KCNIP3: variants seen among roughly 807,000 people sequenced by gnomAD.
KCNIP3 encodes potassium voltage-gated channel interacting protein 3, also known as calsenilin.
Under a neutral mutation model 35.0 loss-of-function variants are expected in KCNIP3, and 28 were observed. That is an observed-to-expected ratio of 0.80 (90% confidence interval 0.59 to 1.10). KCNIP3 has a LOEUF of 1.10. Ranked by LOEUF, KCNIP3 falls within the 50% of genes least tolerant of loss-of-function variation. KCNIP3 has a pLI of 0.00. For synonymous variants in KCNIP3, 134 were observed against 133.8 expected, an observed-to-expected ratio of 1.00 and a Z score of -0.01; for missense variants, 295 against 338.4, an observed-to-expected ratio of 0.87 and a Z score of 1.01.
At chr2:95,362,687 A>T (rs1156538181) in intron 2 of KCNIP3, among the ~76,000 whole-genome samples, 1 of 152,154 alleles carries the variant, frequency 6.6e-6, no homozygotes, top group Non-Finnish European at 1.5e-5. Flanking sequence ...CTCAGGCAGG[A>T]ATGCGAGCAG....
intron 2 of KCNIP3, among the ~76,000 whole-genome samples, chr2:95,362,534 A>G (rs1201173521): frequency 6.6e-6 from 1 of 152,220 alleles, no homozygotes; most frequent in African/African-American, 2.4e-5. Context: ...TAAGACTTCA[A>G]CGATGAAGTT....
chr2:95,374,702 T>C, intron 3 of KCNIP3, 146 bp from the exon 4 acceptor site: 1 of 938,248 alleles, frequency 1.1e-6, no homozygotes, highest in Admixed American at 2.2e-5. Context: ...ACCCAGGCTT[T>C]CCACAACCCA....
intron 1 of KCNIP3, among the ~76,000 whole-genome samples, chr2:95,304,170 C>T (rs1286495403): frequency 6.6e-6 from 1 of 152,216 alleles, no homozygotes; most frequent in Non-Finnish European, 1.5e-5. Context: ...ACATACACTT[C>T]CTGCCTTTAC....
In KCNIP3 at chr2:95,347,014, C is replaced by G. The variant is rs759381495; in HGVS notation, c.182-27282C>G. On this transcript the variant is annotated intron_variant, in intron 2 of 8. Coordinates refer to ENST00000295225, the MANE Select transcript of KCNIP3 (RefSeq NM_013434.5). ...GGCCCCAGGGCCCCAGGCAGCCCGGCTTGCCATGGGCATCCAGGGCATGGA... is the reference window on the plus strand; with the variant it reads ...GGCCCCAGGGCCCCAGGCAGCCCGGGTTGCCATGGGCATCCAGGGCATGGA... The G allele has an allele frequency of 2.5e-6, 4 of 1,602,098 alleles. No homozygotes were observed. The South Asian group carries it at 4.5e-5, about 18-fold the overall frequency.
intron 2 of KCNIP3, among the ~76,000 whole-genome samples, chr2:95,329,965 C>T (rs573842931): frequency 3.9e-5 from 6 of 152,364 alleles, no homozygotes; most frequent in East Asian, 3.9e-4. Context: ...TCCCCTCTGC[C>T]GGAGGCCCCT....
At chr2:95,361,011 A>G (rs530295116) in intron 2 of KCNIP3, among the ~76,000 whole-genome samples, 1 of 152,338 alleles carries the variant, frequency 6.6e-6, no homozygotes, top group Non-Finnish European at 1.5e-5. Context: ...GAAGAGAGCC[A>G]CGCTGGGGGA....
intron 2 of KCNIP3, among the ~76,000 whole-genome samples, chr2:95,321,774 G>A (rs1235758217): frequency 6.6e-6 from 1 of 152,174 alleles, no homozygotes; most frequent in Non-Finnish European, 1.5e-5. Context: ...TGCCTGCAGG[G>A]TTATCTCCTC....
intron 1 of KCNIP3, among the ~76,000 whole-genome samples, chr2:95,305,988 G>A (rs1478940375): frequency 2.0e-5 from 3 of 152,306 alleles, no homozygotes; most frequent in South Asian, 2.1e-4. Context: ...ATAACTTTTC[G>A]TTTCTTCAGG....
At position 95,310,390 on chromosome 2, in the gene KCNIP3, G is replaced by T. The variant is rs757114232; in HGVS notation, c.51G>T (p.Gly17=). The T allele has an allele frequency of 2.5e-6, 4 of 1,612,622 alleles. No individual in the cohort carries two copies. The highest frequency in any genetic ancestry group is 1.6e-4 in the Middle Eastern group (1 of 6,072). ...AGGCGTCGGACGGCAGCCTCCTGGGGGACCTCGGGCACACACCACTTAGCA... is the reference window on the plus strand; with the variant it reads ...AGGCGTCGGACGGCAGCCTCCTGGGTGACCTCGGGCACACACCACTTAGCA... ...VTKASDGSLL[G]DLGHTPLSKK... is the part of the protein sequence containing the mutation. The change falls in exon 2 of 9, where the codon GGG becomes GGT. Residue 17 remains glycine (G), a synonymous_variant. Coordinates refer to ENST00000295225, the MANE Select transcript of KCNIP3 (RefSeq NM_013434.5).
chr2:95,356,503 T>C (rs1679659539), intron 2 of KCNIP3, among the ~76,000 whole-genome samples: 1 of 152,236 alleles, frequency 6.6e-6, no homozygotes, highest in Non-Finnish European at 1.5e-5. Context: ...AAGTCTTTAA[T>C]CCATCTTGAA....
At chr2:95,344,274 T>TA (rs1558768992) in intron 2 of KCNIP3, among the ~76,000 whole-genome samples, 1 of 129,728 alleles carries the variant, frequency 7.7e-6, no homozygotes, top group Non-Finnish European at 1.7e-5. Flanking sequence ...GGTGGCGGGG[T>TA]GGGGGGGGGC....
chr2:95,372,064 C>T (rs1680053486), intron 2 of KCNIP3, among the ~76,000 whole-genome samples: 1 of 152,150 alleles, frequency 6.6e-6, no homozygotes, highest in Non-Finnish European at 1.5e-5. Flanking sequence ...CTCAGCCTCC[C>T]AAAGTGTTGG....
chr2:95,383,444 C>T, intron 8 of KCNIP3, 150 bp downstream of exon 8: 1 of 766,254 alleles, frequency 1.3e-6, no homozygotes, highest in Non-Finnish European at 2.2e-6. Flanking sequence ...ACCTCCTGGA[C>T]AGCCCCAAGC....
intron 2 of KCNIP3, among the ~76,000 whole-genome samples, chr2:95,327,444 C>T (rs1318570772): frequency 6.6e-6 from 1 of 152,150 alleles, no homozygotes; most frequent in African/African-American, 2.4e-5. Context: ...CGTACACACC[C>T]ACACACGCAC....
At chr2:95,353,611 C>T (rs1280192954) in intron 2 of KCNIP3, among the ~76,000 whole-genome samples, 1 of 152,140 alleles carries the variant, frequency 6.6e-6, no homozygotes, top group African/African-American at 2.4e-5. Context: ...AGAGGGGGTG[C>T]TGAGCCAAAA....
At chr2:95,371,317 G>A (rs1409662664) in intron 2 of KCNIP3, among the ~76,000 whole-genome samples, 1 of 152,128 alleles carries the variant, frequency 6.6e-6, no homozygotes, top group Non-Finnish European at 1.5e-5. Flanking sequence ...ATCTCAAAAT[G>A]TGATCACCTT....
chr2:95,359,835 A>G (rs1309200256), intron 2 of KCNIP3, among the ~76,000 whole-genome samples: 1 of 152,240 alleles, frequency 6.6e-6, no homozygotes, highest in Non-Finnish European at 1.5e-5. Flanking sequence ...CTTGAGCCAC[A>G]GCTGGGGCAG....
chr2:95,349,116 G>C (rs920643628), intron 2 of KCNIP3, among the ~76,000 whole-genome samples: 2 of 152,296 alleles, frequency 1.3e-5, no homozygotes, highest in African/African-American at 2.4e-5. Flanking sequence ...CAGAGGGAGG[G>C]CGTCGTGAGT....
At chr2:95,313,609 A>G (rs2104214735) in intron 2 of KCNIP3, 1 of 152,330 alleles carries the variant, frequency 6.6e-6, no homozygotes, top group Admixed American at 6.5e-5. Context: ...GGCCAGTGCC[A>G]CAACTGGACA....
Sources: allele counts gnomAD v4.1 joint callset (sites outside exome capture counted in the v4.1 genomes callset), GRCh38; gene constraint gnomAD v4.1.1; transcripts MANE v1.5; gene names NCBI Gene and HGNC (gene_info 2026-07-23, HGNC 2026-07-21).